The following CDYL variants were observed in gnomAD, a reference collection of about 807,000 sequenced individuals.
CDYL encodes the protein chromodomain Y like.
Under a neutral mutation model 47.3 loss-of-function variants are expected in CDYL, and 8 were observed. The observed-to-expected ratio is 0.17, with a 90% confidence interval of 0.10 to 0.31. The LOEUF is 0.31. Ranked by LOEUF, CDYL falls within the 10% of genes least tolerant of loss-of-function variation. The pLI, the probability that CDYL is intolerant of heterozygous loss-of-function variation, is 1.00. For missense variants in CDYL, 471 were observed against 701.4 expected (o/e 0.67, Z 3.71); for synonymous variants, 266 against 265.0 (o/e 1.00, Z -0.04).
intron 1 of CDYL, among the ~76,000 whole-genome samples, chr6:4,852,413 C>T (rs1299458674): frequency 7.5e-6 from 1 of 133,988 alleles, no homozygotes; most frequent in Non-Finnish European, 1.6e-5. Context: ...TCCTTCCTTC[C>T]AATCTTCCTT....
At chr6:4,732,240 C>T (rs998771784) in intron 2 of CDYL, among the ~76,000 whole-genome samples, 38 of 151,828 alleles carry the variant, frequency 2.5e-4, no homozygotes, top group African/African-American at 8.0e-4. Context: ...GAGGCTGAGG[C>T]GGGAGGATTG....
chr6:4,828,202 T>G (rs538956655), intron 1 of CDYL, among the ~76,000 whole-genome samples: 1 of 151,748 alleles, frequency 6.6e-6, no homozygotes, highest in South Asian at 2.1e-4. Context: ...AGTTTCAACG[T>G]TAGTTTGCTG....
In CDYL at chr6:4,881,935, A is replaced by G. The variant is rs563018746; in HGVS notation, c.25-9778A>G. On this transcript the variant is annotated intron_variant, in intron 1 of 6. Transcript: ENST00000397588. ...TCTTCTAGACTACTTTTTCAAGGAC[A>G]TTCATAGAGAAGACAAAAGTCATTT... Among the ~76,000 whole-genome samples the G allele has an allele frequency of 4.6e-5, 7 of 152,334 alleles. No homozygotes were observed. The South Asian group carries it at 1.0e-3, about 23-fold the overall frequency.
chr6:4,849,687 A>G (rs1760766270), intron 1 of CDYL, among the ~76,000 whole-genome samples: 2 of 151,718 alleles, frequency 1.3e-5, no homozygotes, highest in Non-Finnish European at 2.9e-5. Flanking sequence ...GCCAGGAAAA[A>G]AAAAAAAAAA....
intron 3 of CDYL, among the ~76,000 whole-genome samples, chr6:4,753,275 G>A (rs373329346): frequency 6.6e-6 from 1 of 152,140 alleles, no homozygotes; most frequent in Non-Finnish European, 1.5e-5. Context: ...AAGGAGTCAA[G>A]TGGTAACAAG....
At chr6:4,838,753 C>G (rs191214942) in intron 1 of CDYL, among the ~76,000 whole-genome samples, 2 of 152,006 alleles carry the variant, frequency 1.3e-5, no homozygotes, top group African/African-American at 4.8e-5. Flanking sequence ...GTGGTGCCAT[C>G]TCAGCTCAAT....
At chr6:4,807,386 T>TG (rs1326884405) in intron 1 of CDYL, among the ~76,000 whole-genome samples, 1 of 152,130 alleles carries the variant, frequency 6.6e-6, no homozygotes, top group African/African-American at 2.4e-5. Context: ...ATACATATCT[T>TG]GGGGACGATA....
intron 2 of CDYL, among the ~76,000 whole-genome samples, chr6:4,924,066 G>GAGA (rs1388171967): frequency 6.6e-6 from 1 of 152,080 alleles, no homozygotes; most frequent in African/African-American, 2.4e-5. Flanking sequence ...TGTGTCTCTA[G>GAGA]GTTCACAATT....
intron 4 of CDYL, among the ~76,000 whole-genome samples, chr6:4,942,120 G>T (rs555512414): frequency 6.6e-6 from 1 of 152,320 alleles, no homozygotes; most frequent in South Asian, 2.1e-4. Context: ...AAACCCCAGT[G>T]TGATCTTTCT....
chr6:4,788,137 C>T (rs1177913980), intron 1 of CDYL, among the ~76,000 whole-genome samples: 1 of 151,952 alleles, frequency 6.6e-6, no homozygotes, highest in Non-Finnish European at 1.5e-5. Flanking sequence ...TTTGGGTCTC[C>T]AGTGGCTCAC....
chr6:4,724,898 G>A (rs567186276), intron 2 of CDYL: 20 of 152,304 alleles, frequency 1.3e-4, no homozygotes, highest in African/African-American at 4.8e-4. Flanking sequence ...TGCTGGCTCG[G>A]GCAGCCTGCT....
intron 1 of CDYL, among the ~76,000 whole-genome samples, chr6:4,867,773 T>A (rs895894838): frequency 3.3e-5 from 3 of 91,624 alleles, no homozygotes; most frequent in Non-Finnish European, 6.0e-5. Context: ...TGTTGTGGGG[T>A]TTTTTTTTTT....
rs565530076 is a variant in CDYL at position 4,835,909 on chromosome 6, G to A, written c.25-55804G>A. On this transcript the variant is annotated intron_variant, in intron 1 of 6. Coordinates refer to ENST00000397588, the MANE Select transcript of CDYL (RefSeq NM_004824.4). ...GGTGCGGGATATAATCTCCTGGTGC[G>A]CCATTTTTTAAGCCCGTCAGAAAAG... Among the ~76,000 whole-genome samples the A allele has an allele frequency of 7.9e-5, 12 of 152,288 alleles. No individual in the cohort carries two copies. In the South Asian group the frequency reaches 1.0e-3, roughly 13 times the overall value.
chr6:4,861,751 G>A (rs980226609), intron 1 of CDYL, among the ~76,000 whole-genome samples: 5 of 152,166 alleles, frequency 3.3e-5, no homozygotes, highest in Non-Finnish European at 5.9e-5. Flanking sequence ...TGTTGCCATT[G>A]CGCAGTACTG....
intron 1 of CDYL, among the ~76,000 whole-genome samples, chr6:4,715,270 C>T (rs1347902778): frequency 1.3e-5 from 2 of 151,354 alleles, no homozygotes; most frequent in Non-Finnish European, 2.9e-5. Context: ...AGACTGTAGA[C>T]CACATGAGGA....
At chr6:4,746,830 C>G (rs1022160701) in intron 3 of CDYL, among the ~76,000 whole-genome samples, 3 of 152,102 alleles carry the variant, frequency 2.0e-5, no homozygotes, top group African/African-American at 7.2e-5. Context: ...CTGTTGGCCT[C>G]CTGCCCTGCA....
intron 1 of CDYL, among the ~76,000 whole-genome samples, chr6:4,856,403 G>T (rs1030534091): frequency 1.3e-5 from 2 of 152,198 alleles, no homozygotes; most frequent in African/African-American, 4.8e-5. Context: ...AGAGGCCATG[G>T]AAGTGCACAG....
intron 2 of CDYL, among the ~76,000 whole-genome samples, chr6:4,927,359 CTT>C (rs143431565): frequency 6.8e-6 from 1 of 147,874 alleles, no homozygotes; most frequent in African/African-American, 2.5e-5. Context: ...GAAAGAACGT[CTT>C]TTTTTTTTAA....
chr6:4,791,392 G>A (rs996370667), intron 1 of CDYL, among the ~76,000 whole-genome samples: 4 of 152,178 alleles, frequency 2.6e-5, no homozygotes, highest in African/African-American at 9.7e-5. Flanking sequence ...TAGACTTCTA[G>A]TACTGAAGTA....
Sources: allele counts gnomAD v4.1 joint callset (sites outside exome capture counted in the v4.1 genomes callset), GRCh38; gene constraint gnomAD v4.1.1; transcripts MANE v1.5; gene names NCBI Gene and HGNC (gene_info 2026-07-23, HGNC 2026-07-21).